Variants in HLCS observed in about 807,000 individuals in gnomAD.
HLCS encodes holocarboxylase synthetase.
In HLCS, 53 loss-of-function variants were observed where a neutral mutation model predicts 75.0. The observed-to-expected ratio is 0.71, with a 90% CI of 0.57 to 0.89. HLCS has a LOEUF of 0.89. Among genes scored for constraint, HLCS ranks in the 40% least tolerant of loss-of-function variants. HLCS has a pLI of 0.00. For synonymous variants in HLCS, 431 were observed against 428.6 expected, an observed-to-expected ratio of 1.01 and a Z score of -0.07; for missense variants, 966 against 1,074.0, an observed-to-expected ratio of 0.90 and a Z score of 1.41.
In HLCS at chr21:36,749,260, A is replaced by G; in HGVS notation, c.*4986T>C. The stretch of plus-strand genomic sequence containing the variant: ...GTCATGGCTCTGAACTGCACAATGC[A>G]TTGAACCGCCGTCCTTCAATTTTCT... On this transcript the variant is annotated 3_prime_UTR_variant, in exon 11 of 11. Transcript: ENST00000674895. 6.5e-6 allele frequency: 1 copy of G among 152,676 alleles called. No homozygotes were observed. The highest frequency in any genetic ancestry group is 1.9e-4 in the East Asian group (1 of 5,198). The allele number at this position is 152,676 out of a possible 1,614,324, so 9.5% of individuals were successfully genotyped here.
intron 6 of HLCS, among the ~76,000 whole-genome samples, chr21:36,788,952 A>T (rs927864211): frequency 5.3e-5 from 8 of 152,212 alleles, no homozygotes; most frequent in African/African-American, 1.9e-4. Flanking sequence ...TCTAGTTAGT[A>T]ACTGAGAATC....
chr21:36,968,236 C>T (rs1168259447), upstream of HLCS, among the ~76,000 whole-genome samples: 1 of 152,184 alleles, frequency 6.6e-6, no homozygotes, highest in Non-Finnish European at 1.5e-5. Context: ...CAGTCAAACT[C>T]CTGCCTGGAT....
At chr21:36,850,230 A>G (rs1487184281) in intron 6 of HLCS, among the ~76,000 whole-genome samples, 1 of 152,232 alleles carries the variant, frequency 6.6e-6, no homozygotes, top group Non-Finnish European at 1.5e-5. Context: ...CCTTAACATT[A>G]TTGCCAACAC....
chr21:36,981,566 AT>A (rs1225627575), intron 1 of HLCS, among the ~76,000 whole-genome samples: 4 of 151,816 alleles, frequency 2.6e-5, no homozygotes, highest in Admixed American at 6.6e-5. Context: ...TGTCCAGATA[AT>A]TTTTGTATTT....
intron 2 of HLCS, among the ~76,000 whole-genome samples, chr21:36,945,229 TG>T (rs2067333462): frequency 1.3e-5 from 2 of 152,106 alleles, no homozygotes; most frequent in African/African-American, 2.4e-5. Context: ...GGTTTTTTTT[TG>T]TCTCAAAGAA....
chr21:36,870,112 C>T (rs1315431806), intron 6 of HLCS, among the ~76,000 whole-genome samples: 3 of 152,172 alleles, frequency 2.0e-5, no homozygotes, highest in African/African-American at 4.8e-5. Flanking sequence ...CAGAAATTGA[C>T]TCTGAAGGAC....
Position 36,898,444 on chromosome 21 carries a change from C to T in HLCS, c.1621-1313G>A, listed in dbSNP as rs1189768776. The stretch of plus-strand genomic sequence containing the variant: ...CTGGCAACAAAGAGTGAAACTCCAT[C>T]TCAAAAAAAAAAAAAAAAAAAAGAC... On this transcript the variant is annotated intron_variant, in intron 5 of 10. Coordinates refer to ENST00000674895, the MANE Select transcript of HLCS (RefSeq NM_001352514.2). 1.6e-4 allele frequency among the ~76,000 whole-genome samples: 6 copies of T among 37,590 alleles called. No individual in the cohort carries two copies. In the African/African-American group the frequency reaches 3.0e-3, roughly 19 times the overall value. 24.7% of individuals were successfully genotyped at this position (37,590 alleles called of 152,430 possible).
At chr21:36,767,751 A>C (rs996600238) in intron 6 of HLCS, among the ~76,000 whole-genome samples, 1 of 152,214 alleles carries the variant, frequency 6.6e-6, no homozygotes, top group Non-Finnish European at 1.5e-5. Context: ...TTATTCAGAA[A>C]ACCAATATGG....
chr21:36,979,382 AG>A (rs1188369751), intron 1 of HLCS, among the ~76,000 whole-genome samples: 1 of 152,126 alleles, frequency 6.6e-6, no homozygotes, highest in African/African-American at 2.4e-5. Flanking sequence ...TGGTGGGAGA[AG>A]GGGGGCATTA....
chr21:36,875,439 G>A (rs1162607298), intron 6 of HLCS, among the ~76,000 whole-genome samples: 3 of 152,168 alleles, frequency 2.0e-5, no homozygotes, highest in Non-Finnish European at 2.9e-5. Flanking sequence ...ACTCTCCTCT[G>A]GAAGACCCCG....
In HLCS at chr21:36,966,501, CG is replaced by C. The variant is rs1400940569; in HGVS notation, c.137del (p.Pro46ArgfsTer7). The stretch of plus-strand genomic sequence containing the variant: ...CACGGCTCAGGCACACGCGGGCGCC[CG>C]GGGGCTGCGCGGCCGCGCCGCAGAA... ...FTFCGAAAQP[P>X]GARVCLSRGG... On this transcript the variant is annotated frameshift_variant, in exon 1 of 11. Transcript: ENST00000674895. LOFTEE classifies it high-confidence loss of function. 3.0e-6 allele frequency: 3 copies of C among 986,338 alleles called. No homozygotes were observed. The highest frequency in any genetic ancestry group is 4.7e-5 in the South Asian group (1 of 21,488). The allele number at this position is 986,338 out of a possible 1,614,324, so 61.1% of individuals were successfully genotyped here. A position where few individuals can be genotyped will look rare whatever the true frequency, so the allele number is the denominator to read the frequency against.
intron 2 of HLCS, among the ~76,000 whole-genome samples, chr21:36,960,972 A>G (rs1443835766): frequency 6.6e-6 from 1 of 152,250 alleles, no homozygotes; most frequent in African/African-American, 2.4e-5. Flanking sequence ...CACAGCTCAG[A>G]CAAAAGATAA....
intron 6 of HLCS, among the ~76,000 whole-genome samples, chr21:36,798,177 G>A (rs1266550618): frequency 6.6e-6 from 1 of 152,172 alleles, no homozygotes; most frequent in Non-Finnish European, 1.5e-5. Flanking sequence ...AGGAGGCCCA[G>A]ACCACTGGAT....
rs1395514604 is a variant in HLCS, at chr21:36,962,745, A to C, written c.196-575T>G. 2.1e-5 allele frequency among the ~76,000 whole-genome samples: 3 copies of C among 142,752 alleles called. No individual in the cohort carries two copies. In the East Asian group the frequency reaches 6.6e-4, roughly 31 times the overall value. The allele number at this position is 142,752 out of a possible 152,430, so 93.7% of individuals were successfully genotyped here. Reference sequence around the variant, plus strand: ...GAGCCCGAGGTTGCAGTGAGATGAGATCATGCCACTGCACTCCAGCCTTGG... The same window carrying C: ...GAGCCCGAGGTTGCAGTGAGATGAGCTCATGCCACTGCACTCCAGCCTTGG... On this transcript the variant is annotated intron_variant, in intron 1 of 10. Coordinates refer to ENST00000674895, the MANE Select transcript of HLCS (RefSeq NM_001352514.2).
In HLCS at chr21:36,930,430, G is replaced by T. The variant is rs754945561; in HGVS notation, c.1441C>A (p.His481Asn). 3 of 1,613,196 alleles carry T rather than the reference G, an allele frequency of 1.9e-6. No homozygotes were observed. The African/African-American group carries it at 4.0e-5, about 22-fold the overall frequency. Residue 481 changes from histidine to asparagine, a missense_variant, in exon 5 of 11, where the codon CAC (histidine) becomes AAC (asparagine). By Grantham distance (68) the His-to-Asn change is moderately conservative. Coordinates refer to ENST00000674895, the MANE Select transcript of HLCS (RefSeq NM_001352514.2). Reference sequence around the variant, plus strand: ...TTGGAGCTGGGAGGTAGTTCTAAGTGCACCTGAAGGGGAAAGATAGCACTA... The same window carrying T: ...TTGGAGCTGGGAGGTAGTTCTAAGTTCACCTGAAGGGGAAAGATAGCACTA... ...RGGEAVLCQV[H>N]LELPPSSNIV... is the part of the protein sequence containing the mutation.
intron 2 of HLCS, among the ~76,000 whole-genome samples, chr21:36,952,979 G>A (rs1395693477): frequency 6.6e-6 from 1 of 152,124 alleles, no homozygotes; most frequent in Non-Finnish European, 1.5e-5. Flanking sequence ...ATCCATGACT[G>A]TCCAGCTAGG....
chr21:36,849,498 G>C (rs1011901148), intron 6 of HLCS, among the ~76,000 whole-genome samples: 4 of 152,224 alleles, frequency 2.6e-5, no homozygotes, highest in Non-Finnish European at 5.9e-5. Context: ...GCCCCTGGGG[G>C]CATCTGGGTG....
chr21:36,922,235 GA>G (rs1601750324), intron 5 of HLCS, among the ~76,000 whole-genome samples: 1 of 151,750 alleles, frequency 6.6e-6, no homozygotes, highest in Non-Finnish European at 1.5e-5. Context: ...CTCCTTTTTA[GA>G]AAAAAATATT....
chr21:36,849,458 C>T (rs553941586), intron 6 of HLCS, among the ~76,000 whole-genome samples: 14 of 152,342 alleles, frequency 9.2e-5, no homozygotes, highest in African/African-American at 3.4e-4. Flanking sequence ...TGCTGGGACC[C>T]TGGTACCTCC....
Sources: allele counts gnomAD v4.1 joint callset (sites outside exome capture counted in the v4.1 genomes callset), GRCh38; gene constraint gnomAD v4.1.1; transcripts MANE v1.5; gene names NCBI Gene and HGNC (gene_info 2026-07-23, HGNC 2026-07-21).